The following IQCM variants were observed in gnomAD, a reference collection of about 807,000 sequenced individuals.
IQCM encodes IQ motif containing M, also known as IQ domain-containing protein M.
Under a neutral mutation model 57.6 loss-of-function variants are expected in IQCM, and 45 were observed. The ratio of observed to expected loss-of-function variants is 0.78; its 90% CI spans 0.62 to 1.00. The LOEUF is 1.00. Among genes scored for constraint, IQCM ranks in the 50% least tolerant of loss-of-function variants. The pLI is 0.00. For missense variants in IQCM, 468 were observed against 511.6 expected (o/e 0.91, Z 0.82); for synonymous variants, 148 against 158.9 (o/e 0.93, Z 0.51).
chr4:149,615,464 T>G (rs1755705427), intron 8 of IQCM, among the ~76,000 whole-genome samples: 1 of 152,142 alleles, frequency 6.6e-6, no homozygotes, highest in Non-Finnish European at 1.5e-5. Flanking sequence ...CATTAAAAAG[T>G]TTAGGGTCCC....
chr4:149,525,421 C>T (rs1008654873), intron 12 of IQCM, among the ~76,000 whole-genome samples: 3 of 151,758 alleles, frequency 2.0e-5, no homozygotes, highest in Admixed American at 6.6e-5. Flanking sequence ...GCAGTCAATC[C>T]TACCAAAAAC....
chr4:149,440,444 A>C (rs1579063868), intron 12 of IQCM, among the ~76,000 whole-genome samples: 1 of 152,188 alleles, frequency 6.6e-6, no homozygotes, highest in East Asian at 1.9e-4. Flanking sequence ...TGAGCTAAAC[A>C]TTGCAGTTAA....
intron 9 of IQCM, among the ~76,000 whole-genome samples, chr4:149,585,838 T>TA (rs779390077): frequency 1.3e-5 from 2 of 151,714 alleles, no homozygotes; most frequent in Non-Finnish European, 3.0e-5. Context: ...AAATCTTTTT[T>TA]ATCCCAATTT....
intron 2 of IQCM, among the ~76,000 whole-genome samples, chr4:149,761,773 G>T (rs1349434965): frequency 6.6e-6 from 1 of 152,066 alleles, no homozygotes; most frequent in East Asian, 1.9e-4. Context: ...CAGTGATTTT[G>T]TTAGTAGTAC....
At chr4:149,772,424 C>A (rs1467686142) in intron 2 of IQCM, among the ~76,000 whole-genome samples, 2 of 152,038 alleles carry the variant, frequency 1.3e-5, no homozygotes, top group Non-Finnish European at 2.9e-5. Context: ...ACCCCCCATT[C>A]AGAAAAATAG....
intron 2 of IQCM, among the ~76,000 whole-genome samples, chr4:149,765,036 G>GA (rs1157296797): frequency 1.3e-5 from 2 of 151,744 alleles, no homozygotes; most frequent in East Asian, 1.9e-4. Context: ...GCTAGACATA[G>GA]AAAAAAATGT....
intron 12 of IQCM, among the ~76,000 whole-genome samples, chr4:149,448,435 T>C (rs1736740767): frequency 6.6e-6 from 1 of 151,386 alleles, no homozygotes. Flanking sequence ...AGCTTTTGCC[T>C]TAAAACTCTT....
rs539910043 is a variant in IQCM at position 149,759,454 on chromosome 4, T to C, written c.-48-16715A>G. Among the ~76,000 whole-genome samples, 3 of 152,280 alleles carry C rather than the reference T, an allele frequency of 2.0e-5. No homozygotes were observed. The South Asian group carries it at 6.2e-4, about 32-fold the overall frequency. On this transcript the variant is annotated intron_variant, in intron 2 of 13. Coordinates refer to ENST00000636793, the MANE Select transcript of IQCM (RefSeq NM_001363507.2). ...ATAGGGTCATCAATTGTAACAAATA[T>C]ATCACTCTGGTGGGTGATGTCAATA...
intron 12 of IQCM, among the ~76,000 whole-genome samples, chr4:149,442,953 C>CAGAGAGAGAG (rs56890715): frequency 2.0e-5 from 2 of 98,066 alleles, no homozygotes; most frequent in East Asian, 2.9e-4. Context: ...CACACACACA[C>CAGAGAGAGAG]AGAGAGAGAG....
intron 12 of IQCM, among the ~76,000 whole-genome samples, chr4:149,525,718 A>G (rs1053314485): frequency 6.6e-6 from 1 of 151,930 alleles, no homozygotes; most frequent in Non-Finnish European, 1.5e-5. Context: ...AATGTTTTTA[A>G]CCAAAAAAAG....
intron 13 of IQCM, among the ~76,000 whole-genome samples, chr4:149,370,972 T>C (rs557337393): frequency 1.3e-5 from 2 of 152,130 alleles, no homozygotes; most frequent in East Asian, 3.9e-4. Flanking sequence ...CTTCTTACCC[T>C]TCCCTTCTTA....
At chr4:149,691,417 A>G (rs977527399) in intron 5 of IQCM, among the ~76,000 whole-genome samples, 2 of 152,058 alleles carry the variant, frequency 1.3e-5, no homozygotes, top group African/African-American at 4.8e-5. Context: ...CTGGGAGGGG[A>G]GCAGTGTAGA....
intron 2 of IQCM, among the ~76,000 whole-genome samples, chr4:149,766,311 C>CA (rs936659379): frequency 6.6e-6 from 1 of 152,042 alleles, no homozygotes; most frequent in Non-Finnish European, 1.5e-5. Context: ...GAAAATGTTG[C>CA]AAAAAAATAT....
intron 12 of IQCM, among the ~76,000 whole-genome samples, chr4:149,483,543 G>T (rs1741139240): frequency 4.6e-5 from 7 of 151,746 alleles, no homozygotes; most frequent in Admixed American, 4.6e-4. Flanking sequence ...TCATTAAGAG[G>T]CATATTGTTT....
At chr4:149,705,892 T>C (rs1460749670) in intron 5 of IQCM, among the ~76,000 whole-genome samples, 1 of 151,114 alleles carries the variant, frequency 6.6e-6, no homozygotes, top group African/African-American at 2.4e-5. Flanking sequence ...TAGTTTTGAC[T>C]TCCCAACTGG....
intron 8 of IQCM, among the ~76,000 whole-genome samples, chr4:149,588,618 C>G (rs1006927220): frequency 6.6e-6 from 1 of 151,480 alleles, no homozygotes; most frequent in Admixed American, 6.6e-5. Flanking sequence ...CTTTATAAGA[C>G]GAGGAAAAGA....
At chr4:149,658,180 G>A (rs374885012) in intron 7 of IQCM, among the ~76,000 whole-genome samples, 7 of 151,980 alleles carry the variant, frequency 4.6e-5, no homozygotes, top group Middle Eastern at 3.4e-3. Context: ...ACTGTTGTAC[G>A]TTAAGAGGTA....
At chr4:149,692,446 T>C (rs1001186211) in intron 5 of IQCM, among the ~76,000 whole-genome samples, 1 of 152,192 alleles carries the variant, frequency 6.6e-6, no homozygotes, top group Non-Finnish European at 1.5e-5. Flanking sequence ...TAAATCTTTA[T>C]AATGAGCTTG....
rs573615031 is a variant in IQCM at position 149,706,558 on chromosome 4, G to T, written c.386-20090C>A. 2.6e-5 allele frequency among the ~76,000 whole-genome samples: 4 copies of T among 151,994 alleles called. No individual in the cohort carries two copies. In the East Asian group the frequency reaches 7.7e-4, roughly 29 times the overall value. ...GAGTTTGGAACTCATGACTTATAAG[G>T]AATTATAATTCTGTTATTTTGATAG... On this transcript the variant is annotated intron_variant, in intron 5 of 13. Transcript: ENST00000636793.
Sources: gnomAD v4.1 joint callset for allele counts (sites outside exome capture counted in the v4.1 genomes callset) on GRCh38, gnomAD v4.1.1 for gene constraint, MANE v1.5 for transcripts, NCBI Gene and HGNC (gene_info 2026-07-23, HGNC 2026-07-21) for gene names.